Variants in ODAD2 observed in about 807,000 individuals in gnomAD.
ODAD2 encodes the protein outer dynein arm docking complex subunit 2.
In ODAD2, 89 loss-of-function variants were observed where a neutral mutation model predicts 106.8. The observed-to-expected ratio is 0.83, with a 90% confidence interval of 0.70 to 0.99. The LOEUF (loss-of-function observed/expected upper bound fraction) is 0.99, where lower values mean the gene tolerates loss of function less well. Ranked by LOEUF, ODAD2 falls within the 50% of genes least tolerant of loss-of-function variation. ODAD2 has a pLI of 0.00. For synonymous variants in ODAD2, 404 were observed against 436.2 expected, an observed-to-expected ratio of 0.93 and a Z score of 0.92; for missense variants, 1,168 against 1,238.5, an observed-to-expected ratio of 0.94 and a Z score of 0.85.
chr10:27,819,495 T>C (rs964468788), intron 19 of ODAD2, among the ~76,000 whole-genome samples: 5 of 148,302 alleles, frequency 3.4e-5, no homozygotes, highest in Non-Finnish European at 7.4e-5. Flanking sequence ...TCCCAGTGCA[T>C]TGGGAGGCCA....
chr10:27,837,756 T>C (rs775867986), intron 19 of ODAD2, among the ~76,000 whole-genome samples: 1 of 152,234 alleles, frequency 6.6e-6, no homozygotes, highest in South Asian at 2.1e-4. Flanking sequence ...CAAGTGTTTA[T>C]TCCCACAAGT....
At chr10:27,875,399 G>A (rs1433986653) in intron 17 of ODAD2, among the ~76,000 whole-genome samples, 1 of 152,088 alleles carries the variant, frequency 6.6e-6, no homozygotes, top group Admixed American at 6.5e-5. Context: ...TGCTGGAGAG[G>A]AGCTGCGTTC....
At chr10:27,904,329 C>T (rs549461297) in intron 17 of ODAD2, 10 of 316,902 alleles carry the variant, frequency 3.2e-5, no homozygotes, top group African/African-American at 1.9e-4. Flanking sequence ...AACATGGCGT[C>T]ATGGCAGGAA....
rs539619289 is a variant in ODAD2, at chr10:27,950,036, T to G, written c.1387-5074A>C. On this transcript the variant is annotated intron_variant, in intron 10 of 19. Transcript: ENST00000305242. ...AGATTGATCAGGACCAGAGGCCTCT[T>G]GTTCTGTCCCTACCCCACACAGCTT... Among the ~76,000 whole-genome samples the G allele has an allele frequency of 2.6e-5, 4 of 152,182 alleles. No homozygotes were observed. The East Asian group carries it at 7.7e-4, about 29-fold the overall frequency.
chr10:27,946,348 A>C (rs78582348), intron 10 of ODAD2, among the ~76,000 whole-genome samples: 3,613 of 151,516 alleles, frequency 0.024, 126 homozygotes, highest in African/African-American at 0.073. Context: ...GCATTTGCAA[A>C]TCTTCTTGTG....
At chr10:27,849,667 A>G (rs1004538192) in intron 19 of ODAD2, among the ~76,000 whole-genome samples, 3 of 152,222 alleles carry the variant, frequency 2.0e-5, no homozygotes, top group Non-Finnish European at 4.4e-5. Context: ...GTCATCCTCT[A>G]GTATAAAATT....
Position 27,985,207 on chromosome 10 carries a change from G to C in ODAD2, c.387C>G (p.Asn129Lys). 1 of 1,425,296 alleles carries C rather than the reference G, an allele frequency of 7.0e-7. No individual in the cohort carries two copies. Among genetic ancestry groups the C allele is most frequent in the Non-Finnish European group, 9.2e-7 (1 of 1,082,514 alleles). 88.3% of individuals were successfully genotyped at this position (1,425,296 alleles called of 1,614,324 possible). ...CCAGGATTTTTACTATGGGGTCTCT[G>C]TTAGCTGCCAAAAAAAAAAAAAAGG... ...LKEAQACVEA[N>K]RDPIVKILGS... The change falls in exon 4 of 20, where the codon AAC (asparagine) becomes AAG (lysine). Residue 129 changes from asparagine to lysine, a missense_variant. This residue lies in a region of ODAD2 where 430 missense variants were observed against 452.2 expected (regional missense o/e 0.95). Transcript: ENST00000305242.
At chr10:27,944,117 G>A (rs1409629732) in intron 12 of ODAD2, 105 bp downstream of exon 12, 25 of 945,278 alleles carry the variant, frequency 2.6e-5, no homozygotes, top group Admixed American at 6.7e-5. Context: ...CCTGGAACAC[G>A]CTCTCATGGC....
chr10:27,971,003 T>TAAATAAAC (rs373966793), intron 8 of ODAD2, 105 bp downstream of exon 8: 2 of 430,774 alleles, frequency 4.6e-6, no homozygotes, highest in Non-Finnish European at 7.1e-6. Flanking sequence ...AATAAATAAA[T>TAAATAAAC]AAATAAACAA....
chr10:27,828,869 T>C (rs1478818476), intron 19 of ODAD2, among the ~76,000 whole-genome samples: 1 of 152,168 alleles, frequency 6.6e-6, no homozygotes, highest in Non-Finnish European at 1.5e-5. Context: ...ATTATACCCA[T>C]ATTAAAAATG....
chr10:27,827,480 C>T (rs1006631339), intron 19 of ODAD2, among the ~76,000 whole-genome samples: 1 of 150,898 alleles, frequency 6.6e-6, no homozygotes, highest in Non-Finnish European at 1.5e-5. Flanking sequence ...CTCTCATTTC[C>T]CCCCACAAGC....
chr10:27,891,593 GA>G (rs1842568089), intron 17 of ODAD2, among the ~76,000 whole-genome samples: 2 of 151,818 alleles, frequency 1.3e-5, no homozygotes, highest in African/African-American at 4.8e-5. Context: ...AATTCATAAG[GA>G]AATGGTGATG....
rs75849770 is a variant in ODAD2 at position 27,925,799 on chromosome 10, C to T, written c.2495+9211G>A. ...ATTATGAACAAGACAAAGAGGATCCCTATCTCCACTACTATTCAAGAAGGT... is the reference window on the plus strand; with the variant it reads ...ATTATGAACAAGACAAAGAGGATCCTTATCTCCACTACTATTCAAGAAGGT... On this transcript the variant is annotated intron_variant, in intron 16 of 19. Transcript: ENST00000305242. 7.9e-5 allele frequency among the ~76,000 whole-genome samples: 12 copies of T among 152,182 alleles called. No homozygotes were observed. In the East Asian group the frequency reaches 2.3e-3, roughly 29 times the overall value.
chr10:27,885,529 A>ATATATAT, intron 17 of ODAD2, among the ~76,000 whole-genome samples: 1 of 16,032 alleles, frequency 6.2e-5, no homozygotes, highest in Non-Finnish European at 1.1e-4. Flanking sequence ...AAAAAAAAAA[A>ATATATAT]AAAAATATAT....
At position 27,817,383 on chromosome 10, in the gene ODAD2, G is replaced by A. The variant is rs149944421; in HGVS notation, c.3022-4758C>T. 3.0e-3 allele frequency among the ~76,000 whole-genome samples: 451 copies of A among 152,270 alleles called. 4 individuals carry two copies. Among genetic ancestry groups the A allele is most frequent in the African/African-American group, 0.011 (438 of 41,560 alleles). On this transcript the variant is annotated intron_variant, in intron 19 of 19. Coordinates refer to ENST00000305242, the MANE Select transcript of ODAD2 (RefSeq NM_018076.5). Reference sequence around the variant, plus strand: ...TTGGATATATTTCGAGGGTACAAGTGCAAATTTCTTACATGCATATATTGC... The same window carrying A: ...TTGGATATATTTCGAGGGTACAAGTACAAATTTCTTACATGCATATATTGC...
rs555657754 is a variant in ODAD2, at chr10:27,849,391, G to A, written c.3021+11234C>T. Among the ~76,000 whole-genome samples, 48 of 151,302 alleles carry A rather than the reference G, an allele frequency of 3.2e-4. 1 individual carries two copies. The highest frequency in any genetic ancestry group is 2.3e-3 in the South Asian group (11 of 4,692). On this transcript the variant is annotated intron_variant, in intron 19 of 19. Coordinates refer to ENST00000305242, the MANE Select transcript of ODAD2 (RefSeq NM_018076.5). Reference sequence around the variant, plus strand: ...CACAGGAAGGGGAACATCACATACCGGGGCCTGTCGTGGGGTGGGAGGAGG... The same window carrying A: ...CACAGGAAGGGGAACATCACATACCAGGGCCTGTCGTGGGGTGGGAGGAGG...
At chr10:27,867,472 C>T (rs943463877) in intron 17 of ODAD2, among the ~76,000 whole-genome samples, 4 of 151,986 alleles carry the variant, frequency 2.6e-5, no homozygotes, top group African/African-American at 7.2e-5. Context: ...AATTGAGCAA[C>T]GCAGAGACAC....
rs777033435 is a variant in ODAD2, at chr10:27,993,972, A to ATGTGTGTG, written c.224+946_224+947insCACACACA. On this transcript the variant is annotated intron_variant, in intron 2 of 19. Coordinates refer to ENST00000305242, the MANE Select transcript of ODAD2 (RefSeq NM_018076.5). ...CTGAGGCTGGCAAATATATATATATATATGTGTGTGTGTGTGTGTGTGTGT... is the reference window on the plus strand; with the variant it reads ...CTGAGGCTGGCAAATATATATATATATGTGTGTGTATGTGTGTGTGTGTGTGTGTGTGT... Among the ~76,000 whole-genome samples, 313 of 92,150 alleles carry ATGTGTGTG rather than the reference A, an allele frequency of 3.4e-3. 1 individual carries two copies. Among genetic ancestry groups the ATGTGTGTG allele is most frequent in the African/African-American group, 9.3e-3 (296 of 31,816 alleles). The allele number at this position is 92,150 out of a possible 152,430, so 60.5% of individuals were successfully genotyped here. A position where few individuals can be genotyped will look rare whatever the true frequency, so the allele number is the denominator to read the frequency against.
At chr10:27,889,271 T>C (rs146169523) in intron 17 of ODAD2, among the ~76,000 whole-genome samples, 1,712 of 152,240 alleles carry the variant, frequency 0.011, 30 homozygotes, top group African/African-American at 0.038. Context: ...AAGGAAGATT[T>C]CACACTCGGG....
Sources: gnomAD v4.1 joint callset for allele counts (sites outside exome capture counted in the v4.1 genomes callset) on GRCh38, gnomAD v4.1.1 for gene constraint, gnomAD v4.1.1 regional missense constraint, MANE v1.5 for transcripts, NCBI Gene and HGNC (gene_info 2026-07-23, HGNC 2026-07-21) for gene names.